MAP3K20: variants seen among roughly 807,000 people sequenced by gnomAD.
The protein encoded by MAP3K20 is mitogen-activated protein kinase kinase kinase 20, also known as HCCS-4.
A neutral mutation model predicts 85.7 loss-of-function variants in MAP3K20; 40 were observed. That is an observed-to-expected ratio of 0.47 (90% CI 0.36 to 0.61). MAP3K20 has a LOEUF of 0.61. Ranked by LOEUF, MAP3K20 falls within the 20% of genes least tolerant of loss-of-function variation. The pLI is 0.00. For synonymous variants in MAP3K20, 325 were observed against 327.7 expected, an observed-to-expected ratio of 0.99 and a Z score of 0.09; for missense variants, 817 against 961.7, an observed-to-expected ratio of 0.85 and a Z score of 1.99.
In MAP3K20 at chr2:173,263,903, A is replaced by T. The variant is rs1685353155; in HGVS notation, c.1702+8A>T. The T allele has an allele frequency of 6.2e-7, 1 of 1,604,538 alleles. No individual in the cohort carries two copies. The highest frequency in any genetic ancestry group is 1.3e-5 in the African/African-American group (1 of 74,216). On this transcript the variant is annotated splice_region_variant and intron_variant, in intron 19 of 19. Transcript: ENST00000375213. ...GAAGCAGGTCCGACTCAAGTAAGTTAGTGTTCCCGTATTAGATGTGTGCTA... is the reference window on the plus strand; with the variant it reads ...GAAGCAGGTCCGACTCAAGTAAGTTTGTGTTCCCGTATTAGATGTGTGCTA...
At chr2:173,088,273 C>G (rs1294906577) in intron 1 of MAP3K20, among the ~76,000 whole-genome samples, 1 of 152,162 alleles carries the variant, frequency 6.6e-6, no homozygotes, top group Non-Finnish European at 1.5e-5. Context: ...CATGGCACTG[C>G]TGGGAATAAT....
In MAP3K20 at chr2:173,107,416, G is replaced by T. The variant is rs76094012; in HGVS notation, c.159+16226G>T. ...AGGAGGATCCAGCTAGAATACATGC[G>T]GTCCTGTAGGAATTGGCATGAGAGG... On this transcript the variant is annotated intron_variant, in intron 2 of 19. Coordinates refer to ENST00000375213, the MANE Select transcript of MAP3K20 (RefSeq NM_016653.3). 7.1e-3 allele frequency among the ~76,000 whole-genome samples: 1,087 copies of T among 152,264 alleles called. 15 individuals are homozygous for T. The highest frequency in any genetic ancestry group is 0.025 in the African/African-American group (1,037 of 41,540).
intron 2 of MAP3K20, among the ~76,000 whole-genome samples, chr2:173,100,747 T>C (rs1687614708): frequency 6.6e-6 from 1 of 152,220 alleles, no homozygotes; most frequent in African/African-American, 2.4e-5. Context: ...CCATTTCTGC[T>C]TAAGGAATTT....
chr2:173,201,033 A>G (rs902536946), intron 8 of MAP3K20, among the ~76,000 whole-genome samples: 1 of 152,320 alleles, frequency 6.6e-6, no homozygotes, highest in East Asian at 1.9e-4. Flanking sequence ...TACTGTCAAG[A>G]CCAGGCAATT....
chr2:173,093,114 A>AT (rs1282573378), intron 2 of MAP3K20, among the ~76,000 whole-genome samples: 1 of 152,242 alleles, frequency 6.6e-6, no homozygotes, highest in African/African-American at 2.4e-5. Flanking sequence ...AGTTTAAGAC[A>AT]TAAAAAGTTA....
At chr2:173,137,393 T>C (rs1430425132) in intron 2 of MAP3K20, among the ~76,000 whole-genome samples, 2 of 151,732 alleles carry the variant, frequency 1.3e-5, no homozygotes, top group Non-Finnish European at 2.9e-5. Flanking sequence ...CAGAAGAGAA[T>C]TATAAATACC....
intron 2 of MAP3K20, among the ~76,000 whole-genome samples, chr2:173,116,414 C>G (rs1487874831): frequency 4.6e-5 from 7 of 152,202 alleles, no homozygotes; most frequent in African/African-American, 1.4e-4. Flanking sequence ...TGGCCAGCAT[C>G]TCCCTGCATT....
intron 2 of MAP3K20, among the ~76,000 whole-genome samples, chr2:173,143,155 T>C (rs10930577): frequency 0.29 from 44,032 of 152,072 alleles, 6,732 homozygotes; most frequent in African/African-American, 0.36. Context: ...AAGAGGGGTA[T>C]GCAAATAGAA....
intron 2 of MAP3K20, among the ~76,000 whole-genome samples, chr2:173,129,027 G>A (rs1356294179): frequency 2.7e-5 from 4 of 149,630 alleles, no homozygotes; most frequent in Non-Finnish European, 5.9e-5. Flanking sequence ...GGGTTCAAGC[G>A]ATTGTCCTGC....
chr2:173,112,474 T>C (rs1252465832), intron 2 of MAP3K20, among the ~76,000 whole-genome samples: 2 of 152,200 alleles, frequency 1.3e-5, no homozygotes, highest in African/African-American at 4.8e-5. Flanking sequence ...GTGGGCATTC[T>C]TGTCTTGTTC....
At chr2:173,118,319 G>C (rs1688182183) in intron 2 of MAP3K20, among the ~76,000 whole-genome samples, 1 of 152,200 alleles carries the variant, frequency 6.6e-6, no homozygotes, top group Admixed American at 6.5e-5. Flanking sequence ...CTAGTTCAGG[G>C]AGCAAGACCT....
At chr2:173,156,699 C>G (rs1351335660) in intron 2 of MAP3K20, among the ~76,000 whole-genome samples, 1 of 152,176 alleles carries the variant, frequency 6.6e-6, no homozygotes, top group Non-Finnish European at 1.5e-5. Flanking sequence ...AATGCTCGCT[C>G]GCCAGCTGCT....
chr2:173,111,798 C>G (rs992990811), intron 2 of MAP3K20, among the ~76,000 whole-genome samples: 8 of 152,142 alleles, frequency 5.3e-5, no homozygotes, highest in African/African-American at 1.7e-4. Flanking sequence ...TATTTTTGGA[C>G]CAGTGTCATG....
intron 2 of MAP3K20, among the ~76,000 whole-genome samples, chr2:173,110,235 ATATATATTTTTTTTTTTT>A (rs1365966453): frequency 1.3e-3 from 13 of 10,042 alleles, no homozygotes; most frequent in Non-Finnish European, 1.9e-3. Flanking sequence ...ATATATATAT[ATATATATTTTTTTTTTTT>A]TTTTTTTTTT....
At position 173,140,003 on chromosome 2, in the gene MAP3K20, T is replaced by TTTTATTTA. The variant is rs71018535; in HGVS notation, c.160-29783_160-29776dup. Among the ~76,000 whole-genome samples the TTTTATTTA allele has an allele frequency of 2.2e-3, 333 of 150,750 alleles. 2 individuals are homozygous for TTTTATTTA. Among genetic ancestry groups the TTTTATTTA allele is most frequent in the South Asian group, 2.7e-3 (13 of 4,752 alleles). On this transcript the variant is annotated intron_variant, in intron 2 of 19. Transcript: ENST00000375213. ...TCCTTCCCTGCAATCCTATACTTAA[T>TTTTATTTA]TTTATTTATTTATTTATTTATTTAT...
chr2:173,222,034 C>G (rs1684266755), intron 11 of MAP3K20: 18 of 971,162 alleles, frequency 1.9e-5, no homozygotes, highest in Non-Finnish European at 2.2e-5. Flanking sequence ...AAGACCTCGT[C>G]TCTACTAATA....
At chr2:173,094,497 C>T (rs1229149252) in intron 2 of MAP3K20, among the ~76,000 whole-genome samples, 1 of 152,140 alleles carries the variant, frequency 6.6e-6, no homozygotes, top group African/African-American at 2.4e-5. Context: ...GCAATTTTTC[C>T]AACCCAGGAT....
At chr2:173,219,955 C>T (rs975996732) in intron 11 of MAP3K20, among the ~76,000 whole-genome samples, 2 of 151,432 alleles carry the variant, frequency 1.3e-5, no homozygotes, top group Non-Finnish European at 2.9e-5. Context: ...GTAATCCCAG[C>T]TATTTGGGAG....
At chr2:173,241,371 G>A (rs2106339186) in intron 16 of MAP3K20, among the ~76,000 whole-genome samples, 1 of 152,276 alleles carries the variant, frequency 6.6e-6, no homozygotes, top group East Asian at 1.9e-4. Flanking sequence ...CCAGCACTTT[G>A]GGAGGCTGAG....
Sources: allele counts gnomAD v4.1 joint callset (sites outside exome capture counted in the v4.1 genomes callset), GRCh38; gene constraint gnomAD v4.1.1; transcripts MANE v1.5; gene names NCBI Gene and HGNC (gene_info 2026-07-23, HGNC 2026-07-21).